EBF1: variants seen among roughly 807,000 people sequenced by gnomAD.
EBF1 encodes the protein EBF transcription factor 1, also known as transcription factor COE1.
Under a neutral mutation model 68.4 loss-of-function variants are expected in EBF1, and 10 were observed. The ratio of observed to expected loss-of-function variants is 0.15; its 90% CI spans 0.09 to 0.25. EBF1 has a LOEUF of 0.25. EBF1 is among the 10% of genes least tolerant of loss of function. The pLI is 1.00. For missense variants in EBF1, 509 were observed against 794.4 expected (o/e 0.64, Z 4.32); for synonymous variants, 298 against 299.8 (o/e 0.99, Z 0.06).
chr5:158,975,450 C>T (rs558455164), intron 6 of EBF1, among the ~76,000 whole-genome samples: 1 of 152,120 alleles, frequency 6.6e-6, no homozygotes, highest in African/African-American at 2.4e-5. Flanking sequence ...TGTGTGGTGT[C>T]TTCATATATT....
At chr5:158,750,974 T>C (rs1280617069) in intron 10 of EBF1, among the ~76,000 whole-genome samples, 2 of 152,122 alleles carry the variant, frequency 1.3e-5, no homozygotes, top group Non-Finnish European at 2.9e-5. Context: ...TGGGAGATGA[T>C]GCAGCCTATT....
intron 6 of EBF1, chr5:158,986,083 G>T (rs1050578994): frequency 6.6e-6 from 1 of 152,368 alleles, no homozygotes; most frequent in Non-Finnish European, 1.5e-5. Flanking sequence ...CCCGGGTGGA[G>T]CGGGGAGTTG....
chr5:158,886,168 T>C (rs1207394098), intron 6 of EBF1, among the ~76,000 whole-genome samples: 2 of 152,258 alleles, frequency 1.3e-5, no homozygotes, highest in Non-Finnish European at 2.9e-5. Context: ...TGCAGCCTGT[T>C]AGAAGCAAAG....
At position 158,733,578 on chromosome 5, in the gene EBF1, C is replaced by T. The variant is rs139017340; in HGVS notation, c.1037-2421G>A. 5.7e-3 allele frequency among the ~76,000 whole-genome samples: 867 copies of T among 152,080 alleles called. 5 individuals are homozygous for T. The highest frequency in any genetic ancestry group is 0.02 in the African/African-American group (813 of 41,436). ...CTGAAGAGAAGTCATTCGGCTGCCACAGAGTAATTGAATTAGACATATTAA... is the reference window on the plus strand; with the variant it reads ...CTGAAGAGAAGTCATTCGGCTGCCATAGAGTAATTGAATTAGACATATTAA... On this transcript the variant is annotated intron_variant, in intron 10 of 15. Coordinates refer to ENST00000313708, the MANE Select transcript of EBF1 (RefSeq NM_024007.5).
intron 8 of EBF1, among the ~76,000 whole-genome samples, chr5:158,805,357 G>A (rs7720496): frequency 3.9e-4 from 60 of 152,142 alleles, no homozygotes; most frequent in African/African-American, 7.2e-4. Context: ...TGTGTGTGCC[G>A]GATTATCCAG....
At chr5:158,904,938 GT>G (rs1804254919) in intron 6 of EBF1, among the ~76,000 whole-genome samples, 1 of 152,188 alleles carries the variant, frequency 6.6e-6, no homozygotes, top group Non-Finnish European at 1.5e-5. Flanking sequence ...CAAGAAGTGT[GT>G]TGTAACATCT....
intron 9 of EBF1, among the ~76,000 whole-genome samples, chr5:158,782,982 G>A (rs999402893): frequency 6.6e-5 from 10 of 151,672 alleles, no homozygotes; most frequent in Non-Finnish European, 1.5e-4. Context: ...AGAAAAGGAT[G>A]TCTAAATGTC....
chr5:158,776,467 T>C (rs1163450377), intron 10 of EBF1, among the ~76,000 whole-genome samples: 2 of 152,180 alleles, frequency 1.3e-5, no homozygotes, highest in African/African-American at 4.8e-5. Flanking sequence ...ATTTGTTAAC[T>C]GTTATCCCTT....
At chr5:158,938,635 G>A (rs1294597776) in intron 6 of EBF1, among the ~76,000 whole-genome samples, 1 of 152,230 alleles carries the variant, frequency 6.6e-6, no homozygotes, top group East Asian at 1.9e-4. Context: ...TCTGCAGAGG[G>A]CTGCCTTCTT....
intron 6 of EBF1, among the ~76,000 whole-genome samples, chr5:158,867,459 C>T (rs569842795): frequency 6.6e-6 from 1 of 152,218 alleles, no homozygotes; most frequent in South Asian, 2.1e-4. Context: ...ACTGGCGACC[C>T]TTTTTTTGTT....
intron 6 of EBF1, among the ~76,000 whole-genome samples, chr5:158,886,380 T>A (rs940080390): frequency 1.3e-5 from 2 of 152,214 alleles, no homozygotes; most frequent in Non-Finnish European, 2.9e-5. Flanking sequence ...AAGTATAACA[T>A]TCCAAGTTAG....
intron 6 of EBF1, among the ~76,000 whole-genome samples, chr5:158,904,430 T>G (rs2127317325): frequency 6.6e-6 from 1 of 152,332 alleles, no homozygotes; most frequent in South Asian, 2.1e-4. Context: ...AAAGCACAAT[T>G]CACAAACTCT....
intron 8 of EBF1, among the ~76,000 whole-genome samples, chr5:158,821,546 T>C (rs2127847923): frequency 6.6e-6 from 1 of 152,324 alleles, no homozygotes; most frequent in South Asian, 2.1e-4. Context: ...GCAGTACCTA[T>C]TGCAACTAAC....
intron 6 of EBF1, among the ~76,000 whole-genome samples, chr5:158,918,619 A>G (rs1450015410): frequency 1.3e-5 from 2 of 152,236 alleles, no homozygotes. Flanking sequence ...TAGTTAAGCC[A>G]CTTTATGATA....
At chr5:158,784,692 A>G (rs1255396814) in intron 9 of EBF1, among the ~76,000 whole-genome samples, 1 of 152,146 alleles carries the variant, frequency 6.6e-6, no homozygotes, top group Non-Finnish European at 1.5e-5. Flanking sequence ...CAACACTTAA[A>G]AGTAAAGAAA....
chr5:158,857,365 AATT>A (rs1347192173), intron 6 of EBF1, among the ~76,000 whole-genome samples: 7 of 152,002 alleles, frequency 4.6e-5, no homozygotes, highest in Admixed American at 1.3e-4. Flanking sequence ...CTTCTGCTAC[AATT>A]ATTATGTTGC....
In EBF1 at chr5:159,099,657, A is replaced by G; in HGVS notation, c.-179T>C. 1 of 753,712 alleles carries G rather than the reference A, an allele frequency of 1.3e-6. No individual in the cohort carries two copies. The highest frequency in any genetic ancestry group is 1.9e-6 in the Non-Finnish European group (1 of 520,444). The allele number at this position is 753,712 out of a possible 1,614,324, so 46.7% of individuals were successfully genotyped here. On this transcript the variant is annotated 5_prime_UTR_variant, in exon 1 of 16. Coordinates refer to ENST00000313708, the MANE Select transcript of EBF1 (RefSeq NM_024007.5). ...GGCGGGCTGGAAAGCAAATTTTTAA[A>G]AAATGTAAACCTCTGCTCAAAACTG...
At chr5:158,997,520 T>C (rs1296158643) in intron 6 of EBF1, among the ~76,000 whole-genome samples, 2 of 152,204 alleles carry the variant, frequency 1.3e-5, no homozygotes, top group Non-Finnish European at 2.9e-5. Flanking sequence ...ATTAAGCTGC[T>C]TTAAATTCAC....
Position 159,039,042 on chromosome 5 carries a change from T to C in EBF1, c.554+34354A>G, listed in dbSNP as rs575910118. 2.0e-5 allele frequency among the ~76,000 whole-genome samples: 3 copies of C among 152,308 alleles called. No homozygotes were observed. In the South Asian group the frequency reaches 6.2e-4, roughly 32 times the overall value. On this transcript the variant is annotated intron_variant, in intron 6 of 15. Coordinates refer to ENST00000313708, the MANE Select transcript of EBF1 (RefSeq NM_024007.5). The stretch of plus-strand genomic sequence containing the variant: ...TGGAATTTAACAGCCAAAAGAGTCC[T>C]TTTTCCTCTGAAGGAATAAAAAAGA...
Sources: allele counts gnomAD v4.1 joint callset (sites outside exome capture counted in the v4.1 genomes callset), GRCh38; gene constraint gnomAD v4.1.1; transcripts MANE v1.5; gene names NCBI Gene and HGNC (gene_info 2026-07-23, HGNC 2026-07-21).